TLN2: variants seen among roughly 807,000 people sequenced by gnomAD.
TLN2 encodes the protein talin 2, also known as talin-2.
TLN2 carries 118 observed loss-of-function variants against 294.7 expected under a neutral mutation model. The ratio of observed to expected loss-of-function variants is 0.40; its 90% confidence interval spans 0.34 to 0.47. The LOEUF is 0.47. TLN2 is among the 20% of genes least tolerant of loss of function. TLN2 has a pLI of 0.84. For missense variants in TLN2, 3,083 were observed against 3,282.2 expected, an observed-to-expected ratio of 0.94 and a Z score of 1.48; for synonymous variants, 1,431 against 1,304.5, an observed-to-expected ratio of 1.10 and a Z score of -2.09.
At chr15:62,522,976 ACACTCT>A (rs1165425229) in intron 1 of TLN2, among the ~76,000 whole-genome samples, 19 of 124,118 alleles carry the variant, frequency 1.5e-4, no homozygotes, top group African/African-American at 7.8e-4. Context: ...ACACACACAC[ACACTCT>A]CTCACTCACA....
At chr15:62,534,959 G>A (rs1043638726) in intron 1 of TLN2, among the ~76,000 whole-genome samples, 4 of 152,214 alleles carry the variant, frequency 2.6e-5, no homozygotes, top group African/African-American at 7.2e-5. Flanking sequence ...AGTGGCATGC[G>A]ACTTCCGGGA....
chr15:62,399,463 A>C (rs2032852911), intron 1 of TLN2, among the ~76,000 whole-genome samples: 1 of 152,064 alleles, frequency 6.6e-6, no homozygotes, highest in African/African-American at 2.4e-5. Flanking sequence ...ACACCCCAGA[A>C]TAGTAGATCC....
intron 14 of TLN2, among the ~76,000 whole-genome samples, chr15:62,696,874 G>A (rs760322977): frequency 2.0e-5 from 3 of 152,108 alleles, no homozygotes; most frequent in Non-Finnish European, 4.4e-5. Flanking sequence ...CTGAGGACCC[G>A]AGGGAGGGGA....
intron 2 of TLN2, among the ~76,000 whole-genome samples, chr15:62,613,808 A>C (rs2048100870): frequency 6.6e-6 from 1 of 151,562 alleles, no homozygotes; most frequent in Non-Finnish European, 1.5e-5. Flanking sequence ...ATGCAACAAG[A>C]GGGATCAATC....
At chr15:62,667,131 A>C (rs1307168631) in intron 9 of TLN2, among the ~76,000 whole-genome samples, 2 of 151,862 alleles carry the variant, frequency 1.3e-5, no homozygotes, top group East Asian at 3.9e-4. Flanking sequence ...ACGCCCGGCT[A>C]ATTTTTTGTA....
At chr15:62,496,180 CT>C (rs1402691980) in intron 1 of TLN2, among the ~76,000 whole-genome samples, 5 of 152,180 alleles carry the variant, frequency 3.3e-5, no homozygotes, top group Non-Finnish European at 5.9e-5. Flanking sequence ...TAGGCCTCCT[CT>C]TTCTGACTCA....
At chr15:62,454,336 C>T (rs2036333905) in intron 1 of TLN2, among the ~76,000 whole-genome samples, 1 of 152,122 alleles carries the variant, frequency 6.6e-6, no homozygotes, top group Non-Finnish European at 1.5e-5. Flanking sequence ...TAGGCTTCAA[C>T]TGCTGCCCCA....
At chr15:62,797,573 C>T (rs1342658646) in intron 48 of TLN2, among the ~76,000 whole-genome samples, 171 bp downstream of exon 48, 1 of 152,198 alleles carries the variant, frequency 6.6e-6, no homozygotes, top group Non-Finnish European at 1.5e-5. Context: ...GAGATAGTGG[C>T]ACAGACTGTG....
At chr15:62,403,764 C>T (rs2033196660) in intron 1 of TLN2, among the ~76,000 whole-genome samples, 1 of 152,198 alleles carries the variant, frequency 6.6e-6, no homozygotes, top group Non-Finnish European at 1.5e-5. Flanking sequence ...GGGGCGCTCT[C>T]TCACCTTTCT....
chr15:62,776,817 C>T lies in TLN2; in HGVS notation c.5421C>T (p.Ala1807=), dbSNP rs369376725. The stretch of plus-strand genomic sequence containing the variant: ...AGGCCGCCCAGTTGATGAAGGAAGC[C>T]GTGGATGACATCATGGTGACGCTGA... ...ITEAAQLMKE[A]VDDIMVTLNE... is the part of the protein sequence containing the mutation. Residue 1807 remains alanine (A), a synonymous_variant, in exon 43 of 59, where the codon GCC becomes GCT. Coordinates refer to ENST00000636159, the MANE Select transcript of TLN2 (RefSeq NM_015059.3). 108 of 1,598,960 alleles carry T rather than the reference C, an allele frequency of 6.8e-5. No individual in the cohort carries two copies. Among genetic ancestry groups the T allele is most frequent in the Middle Eastern group, 1.7e-4 (1 of 6,046 alleles).
chr15:62,395,875 G>A (rs956323371), intron 1 of TLN2, among the ~76,000 whole-genome samples: 8 of 151,670 alleles, frequency 5.3e-5, no homozygotes, highest in African/African-American at 1.9e-4. Context: ...TGTCTCAGTC[G>A]CACAGACTGG....
Position 62,719,691 on chromosome 15 carries a change from C to T in TLN2, c.2878-76C>T. On this transcript the variant is annotated intron_variant, in intron 24 of 58. Transcript: ENST00000636159. ...GTAGATGGCACATCCAAAAAGCGCA[C>T]TTGGGTCATGGTCTAGCTTCTTTGG... 4.8e-6 allele frequency: 6 copies of T among 1,255,850 alleles called. No individual in the cohort carries two copies. In the South Asian group the frequency reaches 9.7e-5, roughly 20 times the overall value. 77.8% of individuals were successfully genotyped at this position (1,255,850 alleles called of 1,614,324 possible). A position where few individuals can be genotyped will look rare whatever the true frequency, so the allele number is the denominator to read the frequency against.
intron 1 of TLN2, among the ~76,000 whole-genome samples, chr15:62,447,718 C>T (rs948295130): frequency 1.1e-4 from 16 of 152,164 alleles, no homozygotes; most frequent in Non-Finnish European, 2.2e-4. Flanking sequence ...TGGTCTCGAT[C>T]TCCTGACCCC....
At chr15:62,492,823 C>A (rs1021393754) in intron 1 of TLN2, among the ~76,000 whole-genome samples, 1 of 152,092 alleles carries the variant, frequency 6.6e-6, no homozygotes, top group Non-Finnish European at 1.5e-5. Context: ...ATAACAGATT[C>A]CACAGAATTC....
chr15:62,791,580 G>A (rs1260990275), intron 45 of TLN2, among the ~76,000 whole-genome samples: 2 of 152,144 alleles, frequency 1.3e-5, no homozygotes, highest in East Asian at 3.8e-4. Context: ...CTAATGAGAT[G>A]GTATTGGAAG....
intron 50 of TLN2, among the ~76,000 whole-genome samples, chr15:62,804,364 G>T (rs867887812): frequency 3.9e-5 from 6 of 152,338 alleles, no homozygotes; most frequent in Admixed American, 6.5e-5. Context: ...TTAGGAGGCT[G>T]AGGCAGGAGG....
intron 2 of TLN2, among the ~76,000 whole-genome samples, chr15:62,599,424 C>G (rs2046811341): frequency 6.6e-6 from 1 of 152,188 alleles, no homozygotes; most frequent in South Asian, 2.1e-4. Flanking sequence ...GAATGCTGAG[C>G]AAATAGACTT....
intron 1 of TLN2, among the ~76,000 whole-genome samples, chr15:62,396,409 C>G (rs2032551659): frequency 6.6e-6 from 1 of 152,214 alleles, no homozygotes; most frequent in African/African-American, 2.4e-5. Flanking sequence ...TCTGATGCCT[C>G]TCATTGTAAT....
At chr15:62,766,276 TG>T in intron 40 of TLN2, 44 bp from the exon 41 acceptor site, 2 of 1,527,108 alleles carry the variant, frequency 1.3e-6, no homozygotes, top group Non-Finnish European at 1.8e-6. Flanking sequence ...TGCAGCTCTG[TG>T]GGGAGCTGTT....
Sources: allele counts gnomAD v4.1 joint callset (sites outside exome capture counted in the v4.1 genomes callset), GRCh38; gene constraint gnomAD v4.1.1; transcripts MANE v1.5; gene names NCBI Gene and HGNC (gene_info 2026-07-23, HGNC 2026-07-21).